PLCG2: variants seen among roughly 807,000 people sequenced by gnomAD.
The protein encoded by PLCG2 is phospholipase C gamma 2, also known as 1-phosphatidylinositol 4,5-bisphosphate phosphodiesterase gamma-2.
PLCG2 carries 69 observed loss-of-function variants against 175.6 expected under a neutral mutation model. That is an observed-to-expected ratio of 0.39 (90% CI 0.32 to 0.48). PLCG2 has a LOEUF of 0.48. PLCG2 is among the 20% of genes least tolerant of loss of function. The pLI is 0.91. For missense variants in PLCG2, 1,798 were observed against 1,650.9 expected, an observed-to-expected ratio of 1.09 and a Z score of -1.54; for synonymous variants, 827 against 624.0, an observed-to-expected ratio of 1.33 and a Z score of -4.85.
intron 15 of PLCG2, chr16:81,906,377 C>T (rs988321944): frequency 2.0e-4 from 31 of 152,068 alleles, no homozygotes; most frequent in Non-Finnish European, 3.5e-4. Context: ...TTTACATGTC[C>T]GTTCTTATAT....
At chr16:81,810,731 T>G (rs1027547792) in intron 2 of PLCG2, among the ~76,000 whole-genome samples, 5 of 152,108 alleles carry the variant, frequency 3.3e-5, no homozygotes, top group African/African-American at 4.8e-5. Flanking sequence ...TTCCTGTTAT[T>G]GATTTATTCA....
At chr16:81,915,035 C>T (rs1373367701) in intron 19 of PLCG2, among the ~76,000 whole-genome samples, 1 of 152,206 alleles carries the variant, frequency 6.6e-6, no homozygotes, top group African/African-American at 2.4e-5. Flanking sequence ...CTTTTTCAAA[C>T]CCTCTCTGGT....
At chr16:81,923,836 C>G (rs1467721512) in intron 22 of PLCG2, among the ~76,000 whole-genome samples, 1 of 152,172 alleles carries the variant, frequency 6.6e-6, no homozygotes, top group East Asian at 1.9e-4. Context: ...ATTATAATTA[C>G]AACAGCAGCT....
chr16:81,785,557 A>G (rs1314736496), intron 1 of PLCG2, among the ~76,000 whole-genome samples: 2 of 150,862 alleles, frequency 1.3e-5, no homozygotes, highest in African/African-American at 4.9e-5. Context: ...AGAAATCTCT[A>G]GACAGGATAG....
upstream of PLCG2, among the ~76,000 whole-genome samples, chr16:81,778,032 CAAAAAA>C (rs566484508): frequency 3.4e-5 from 2 of 58,708 alleles, 1 homozygote; most frequent in African/African-American, 1.7e-4. Flanking sequence ...AAAAAAAAAA[CAAAAAA>C]AAAACAAAAA....
chr16:81,936,510 C>T, intron 27 of PLCG2, 132 bp downstream of exon 27: 1 of 714,198 alleles, frequency 1.4e-6, no homozygotes, highest in Non-Finnish European at 2.4e-6. Context: ...CTGCACGGTT[C>T]AGCAGAGTAA....
chr16:81,887,909 G>A (rs985622728), intron 9 of PLCG2, among the ~76,000 whole-genome samples: 1 of 152,184 alleles, frequency 6.6e-6, no homozygotes, highest in Non-Finnish European at 1.5e-5. Flanking sequence ...GGACTGTGCA[G>A]CAGCTGCTTT....
At chr16:81,801,072 C>T (rs936035018) in intron 2 of PLCG2, among the ~76,000 whole-genome samples, 2 of 152,130 alleles carry the variant, frequency 1.3e-5, no homozygotes, top group Non-Finnish European at 2.9e-5. Flanking sequence ...ATTTTAGCCC[C>T]ATGAGACTCA....
chr16:81,829,103 TTTTTA>T (rs1000006249), intron 2 of PLCG2, among the ~76,000 whole-genome samples: 1 of 152,092 alleles, frequency 6.6e-6, no homozygotes, highest in Non-Finnish European at 1.5e-5. Context: ...TAGTTAGTAG[TTTTTA>T]TTTTATTTTA....
intron 1 of PLCG2, among the ~76,000 whole-genome samples, chr16:81,753,439 G>A (rs1435963094): frequency 1.6e-5 from 2 of 128,898 alleles, no homozygotes; most frequent in Non-Finnish European, 3.1e-5. Context: ...TTTTTTTTGA[G>A]ATGGAGTCTC....
At chr16:81,860,275 G>A (rs1258986922) in intron 5 of PLCG2, among the ~76,000 whole-genome samples, 2 of 148,308 alleles carry the variant, frequency 1.3e-5, no homozygotes, top group Non-Finnish European at 3.0e-5. Flanking sequence ...TTGTCATTTC[G>A]GAAATCATTT....
chr16:81,858,479 A>G (rs1430416572), intron 4 of PLCG2, 123 bp downstream of exon 4: 1 of 722,230 alleles, frequency 1.4e-6, no homozygotes, highest in Non-Finnish European at 2.5e-6. Flanking sequence ...AGGCTCGTTG[A>G]GTGTCTTGTA....
At chr16:81,874,254 C>T (rs924247390) in intron 7 of PLCG2, among the ~76,000 whole-genome samples, 45 of 152,160 alleles carry the variant, frequency 3.0e-4, no homozygotes, top group Admixed American at 2.5e-3. Flanking sequence ...CGCCATGGAA[C>T]GGTCCACTTT....
rs1197242837 is a variant in PLCG2, at chr16:81,828,543, G to A, written c.194-25901G>A. Among the ~76,000 whole-genome samples, 8 of 152,200 alleles carry A rather than the reference G, an allele frequency of 5.3e-5. No homozygotes were observed. The East Asian group carries it at 1.2e-3, about 22-fold the overall frequency. ...GTGAGCCACCGCACCCGGCCGAGAA[G>A]CGTCATTTTTATTCTGTGCTGTGGT... On this transcript the variant is annotated intron_variant, in intron 2 of 32. Transcript: ENST00000564138.
chr16:81,883,702 G>A, intron 9 of PLCG2: 2 of 301,084 alleles, frequency 6.6e-6, no homozygotes, highest in Non-Finnish European at 6.4e-6. Context: ...AGGTGTCACT[G>A]CCTGGGAAGC....
chr16:81,926,124 G>T (rs1466433976), intron 22 of PLCG2, among the ~76,000 whole-genome samples: 2 of 152,176 alleles, frequency 1.3e-5, no homozygotes, highest in Non-Finnish European at 2.9e-5. Flanking sequence ...ATGGGCCAAG[G>T]CATGGAAGCT....
chr16:81,869,344 C>G (rs373539123), intron 6 of PLCG2, 46 bp downstream of exon 6: 5 of 1,335,500 alleles, frequency 3.7e-6, no homozygotes, highest in East Asian at 2.3e-5. Flanking sequence ...TGCGGAGTGA[C>G]TTAGCCTCTC....
intron 10 of PLCG2, among the ~76,000 whole-genome samples, chr16:81,890,738 A>AT (rs1012347343): frequency 9.3e-5 from 14 of 151,044 alleles, no homozygotes; most frequent in African/African-American, 2.7e-4. Context: ...TCGCTAAAGC[A>AT]TTTTTTTTTA....
intron 30 of PLCG2, among the ~76,000 whole-genome samples, chr16:81,944,807 C>A (rs188871481): frequency 1.5e-3 from 225 of 152,200 alleles, no homozygotes; most frequent in African/African-American, 5.2e-3. Flanking sequence ...GGACTTGAGC[C>A]TCCAAGGATT....
Sources: allele counts gnomAD v4.1 joint callset (sites outside exome capture counted in the v4.1 genomes callset), GRCh38; gene constraint gnomAD v4.1.1; transcripts MANE v1.5; gene names NCBI Gene and HGNC (gene_info 2026-07-23, HGNC 2026-07-21).